Variants in RASA1 observed in about 807,000 individuals in gnomAD.
RASA1 encodes RAS p21 protein activator 1.
A neutral mutation model predicts 132.2 loss-of-function variants in RASA1; 25 were observed. The observed-to-expected ratio is 0.19, with a 90% CI of 0.14 to 0.26. The LOEUF is 0.26. Among genes scored for constraint, RASA1 ranks in the 10% least tolerant of loss-of-function variants. RASA1 has a pLI of 1.00. For missense variants in RASA1, 964 were observed against 1,299.2 expected, an observed-to-expected ratio of 0.74 and a Z score of 3.97; for synonymous variants, 477 against 449.9, an observed-to-expected ratio of 1.06 and a Z score of -0.76.
chr5:87,279,590 A>G lies in RASA1; in HGVS notation c.539+10600A>G, dbSNP rs569254785. Reference sequence around the variant, plus strand: ...TTATAAGAAATTGCCAGCATTTTCTATAATGGCTATATATTTTTACATTCT... The same window carrying G: ...TTATAAGAAATTGCCAGCATTTTCTGTAATGGCTATATATTTTTACATTCT... On this transcript the variant is annotated intron_variant, in intron 1 of 24. Coordinates refer to ENST00000274376, the MANE Select transcript of RASA1 (RefSeq NM_002890.3). 3.3e-5 allele frequency among the ~76,000 whole-genome samples: 5 copies of G among 152,336 alleles called. No individual in the cohort carries two copies. In the South Asian group the frequency reaches 6.2e-4, roughly 19 times the overall value.
In RASA1 at chr5:87,363,330, A is replaced by AT. The variant is rs60835976; in HGVS notation, c.1454-7dup. The AT allele has an allele frequency of 5.3e-3, 7,062 of 1,323,012 alleles. 1 individual carries two copies. The highest frequency in any genetic ancestry group is 5.9e-3 in the Non-Finnish European group (5,603 of 956,566). 82.0% of individuals were successfully genotyped at this position (1,323,012 alleles called of 1,614,324 possible). On this transcript the variant is annotated splice_polypyrimidine_tract_variant and intron_variant, in intron 10 of 24. Coordinates refer to ENST00000274376, the MANE Select transcript of RASA1 (RefSeq NM_002890.3). ...ACAATTGTTTGGCTAAGAGAAAACA[A>AT]TTTTTTTTTTTAAACAGGCAAAGGA...
intron 1 of RASA1, among the ~76,000 whole-genome samples, chr5:87,278,909 C>CTT (rs58122450): frequency 0.051 from 4,271 of 83,886 alleles, 202 homozygotes; most frequent in Admixed American, 0.091. Flanking sequence ...CTAATTTGTT[C>CTT]TTTTTTTTTT....
chr5:87,390,036 T>G (rs943791238), intron 24 of RASA1, among the ~76,000 whole-genome samples: 1 of 152,186 alleles, frequency 6.6e-6, no homozygotes, highest in Non-Finnish European at 1.5e-5. Flanking sequence ...CCGATGCAAG[T>G]GAACCATGGC....
At chr5:87,309,274 A>G (rs955798588) in intron 1 of RASA1, among the ~76,000 whole-genome samples, 4 of 152,172 alleles carry the variant, frequency 2.6e-5, no homozygotes, top group Non-Finnish European at 5.9e-5. Flanking sequence ...TACAATAAAT[A>G]TGATACATAC....
chr5:87,309,038 A>T (rs1755749914), intron 1 of RASA1, among the ~76,000 whole-genome samples: 1 of 152,164 alleles, frequency 6.6e-6, no homozygotes, highest in Non-Finnish European at 1.5e-5. Context: ...ACAACATATT[A>T]AAAAAGGTAC....
chr5:87,377,272 A>G (rs1761391429), intron 17 of RASA1: 7 of 541,858 alleles, frequency 1.3e-5, no homozygotes, highest in Non-Finnish European at 2.0e-5. Context: ...AGAAGCCACA[A>G]GAAGGTGGTA....
chr5:87,347,435 T>G (rs989879266), intron 7 of RASA1, among the ~76,000 whole-genome samples: 2 of 152,016 alleles, frequency 1.3e-5, no homozygotes, highest in African/African-American at 4.8e-5. Flanking sequence ...TACCGAGCAT[T>G]TCTTTGGCAA....
chr5:87,308,374 G>A (rs1375248446), intron 1 of RASA1, among the ~76,000 whole-genome samples: 1 of 151,964 alleles, frequency 6.6e-6, no homozygotes, highest in Non-Finnish European at 1.5e-5. Flanking sequence ...AGTTCTGATT[G>A]CCTCCATATT....
In RASA1 at chr5:87,378,448, G is replaced by A; in HGVS notation, c.2397G>A (p.Glu799=). The A allele has an allele frequency of 7.4e-6, 12 of 1,612,602 alleles. No individual in the cohort carries two copies. Among genetic ancestry groups the A allele is most frequent in the Non-Finnish European group, 1.0e-5 (12 of 1,178,726 alleles). ...RATTLASTLM[E]QYMKATATQF... ...CAACACTTGCAAGCACCTTGATGGA[G>A]CAGTATATGAAAGCCACTGCTACAC... The change falls in exon 18 of 25, where the codon GAG becomes GAA. Residue 799 remains glutamate (E), a synonymous_variant. Coordinates refer to ENST00000274376, the MANE Select transcript of RASA1 (RefSeq NM_002890.3).
chr5:87,360,637 AGTAAATTTT>A (rs1448958651), intron 9 of RASA1, among the ~76,000 whole-genome samples: 1 of 152,204 alleles, frequency 6.6e-6, no homozygotes, highest in African/African-American at 2.4e-5. Flanking sequence ...AATCATATTA[AGTAAATTTT>A]GATGTACATA....
At chr5:87,377,298 A>G (rs376458895) in intron 17 of RASA1, 40 of 486,076 alleles carry the variant, frequency 8.2e-5, no homozygotes, top group Non-Finnish European at 1.2e-4. Context: ...GTCTACATCA[A>G]TGGCTTGACT....
At chr5:87,335,497 G>A (rs1757908782) in intron 4 of RASA1, among the ~76,000 whole-genome samples, 2 of 145,014 alleles carry the variant, frequency 1.4e-5, no homozygotes, top group South Asian at 2.2e-4. Context: ...GCCATCTTGG[G>A]TCACTGCAAC....
intron 1 of RASA1, among the ~76,000 whole-genome samples, chr5:87,272,078 G>T (rs1753868027): frequency 6.6e-6 from 1 of 151,826 alleles, no homozygotes; most frequent in South Asian, 2.1e-4. Context: ...GAACCAGGGA[G>T]GGGGCGGTTG....
intron 1 of RASA1, among the ~76,000 whole-genome samples, chr5:87,272,539 G>GTT (rs1032209831): frequency 7.8e-5 from 11 of 141,394 alleles, no homozygotes; most frequent in Admixed American, 7.1e-4. Context: ...TCATATGATT[G>GTT]TTTTTTTTTT....
Position 87,369,794 on chromosome 5 carries a change from T to G in RASA1, c.1611-19T>G, listed in dbSNP as rs1421360333. On this transcript the variant is annotated intron_variant, in intron 11 of 24. Transcript: ENST00000274376. ...ACTTTTTATTAAGCTTCCTAATAAT[T>G]TTTGTTTTTATTTTAAAGGCCAAAC... The G allele has an allele frequency of 1.3e-6, 2 of 1,579,100 alleles. No homozygotes were observed. Among genetic ancestry groups the G allele is most frequent in the Admixed American group, 1.7e-5 (1 of 59,616 alleles).
chr5:87,369,802 T>C lies in RASA1; in HGVS notation c.1611-11T>C, dbSNP rs1159999316. 1 of 1,604,806 alleles carries C rather than the reference T, an allele frequency of 6.2e-7. No homozygotes were observed. The highest frequency in any genetic ancestry group is 1.1e-5 in the South Asian group (1 of 90,358). On this transcript the variant is annotated splice_polypyrimidine_tract_variant and intron_variant, in intron 11 of 24. Transcript: ENST00000274376. Reference sequence around the variant, plus strand: ...TTAAGCTTCCTAATAATTTTTGTTTTTATTTTAAAGGCCAAACTGTTTTCA... The same window carrying C: ...TTAAGCTTCCTAATAATTTTTGTTTCTATTTTAAAGGCCAAACTGTTTTCA...
intron 1 of RASA1, among the ~76,000 whole-genome samples, chr5:87,287,983 A>G: frequency 7.1e-6 from 1 of 140,104 alleles, no homozygotes; most frequent in Non-Finnish European, 1.5e-5. Context: ...CCATATATAT[A>G]CCATATATAC....
chr5:87,286,978 TACCATATATACAC>T (rs1323450065), intron 1 of RASA1, among the ~76,000 whole-genome samples: 5 of 148,678 alleles, frequency 3.4e-5, no homozygotes, highest in Non-Finnish European at 7.5e-5. Context: ...ACCATATATA[TACCATATATACAC>T]ACCATATATA....
At chr5:87,361,297 T>C (rs1482665910) in intron 9 of RASA1, among the ~76,000 whole-genome samples, 1 of 152,244 alleles carries the variant, frequency 6.6e-6, no homozygotes, top group Non-Finnish European at 1.5e-5. Flanking sequence ...TGTAAGCAAT[T>C]CATTCTTCTA....
Sources: gnomAD v4.1 joint callset for allele counts (sites outside exome capture counted in the v4.1 genomes callset) on GRCh38, gnomAD v4.1.1 for gene constraint, MANE v1.5 for transcripts, NCBI Gene and HGNC (gene_info 2026-07-23, HGNC 2026-07-21) for gene names.